The following OXR1 variants were observed in gnomAD, a reference collection of about 807,000 sequenced individuals.
OXR1 encodes oxidation resistance protein 1.
OXR1 carries 41 observed loss-of-function variants against 104.6 expected under a neutral mutation model. The ratio of observed to expected loss-of-function variants is 0.39; its 90% confidence interval spans 0.31 to 0.51. The LOEUF (loss-of-function observed/expected upper bound fraction) is 0.51, where lower values mean the gene tolerates loss of function less well. OXR1 is among the 20% of genes least tolerant of loss of function. The pLI, the probability that OXR1 is intolerant of heterozygous loss-of-function variation, is 0.77. For synonymous variants in OXR1, 348 were observed against 348.4 expected (o/e 1.00, Z 0.01); for missense variants, 955 against 1,031.9 (o/e 0.93, Z 1.02).
At chr8:106,607,856 CT>C (rs1199743515) in intron 3 of OXR1, among the ~76,000 whole-genome samples, 1 of 150,584 alleles carries the variant, frequency 6.6e-6, no homozygotes, top group Non-Finnish European at 1.5e-5. Flanking sequence ...ACATAGAGAA[CT>C]TTATGTAATT....
chr8:106,737,171 C>T (rs73294482), intron 11 of OXR1, among the ~76,000 whole-genome samples: 1,616 of 152,094 alleles, frequency 0.011, 32 homozygotes, highest in African/African-American at 0.036. Context: ...ACTGCAAGAC[C>T]GTTTAGTTTT....
chr8:106,627,669 A>C (rs1376447211), intron 3 of OXR1, among the ~76,000 whole-genome samples: 1 of 152,138 alleles, frequency 6.6e-6, no homozygotes, highest in Non-Finnish European at 1.5e-5. Context: ...TTATACTGAC[A>C]TTTAGTTCTT....
chr8:106,750,094 GC>G (rs1255789545), intron 16 of OXR1, among the ~76,000 whole-genome samples: 2 of 150,850 alleles, frequency 1.3e-5, no homozygotes, highest in Non-Finnish European at 2.9e-5. Context: ...GAATTTTTGT[GC>G]CTTTGCGAAA....
chr8:106,723,468 A>G (rs1833018204), intron 11 of OXR1, among the ~76,000 whole-genome samples: 1 of 150,148 alleles, frequency 6.7e-6, no homozygotes, highest in African/African-American at 2.5e-5. Context: ...ACTGCACTCC[A>G]GCCTGGGCGA....
intron 3 of OXR1, among the ~76,000 whole-genome samples, chr8:106,621,597 G>A (rs978294709): frequency 1.3e-5 from 2 of 151,184 alleles, no homozygotes; most frequent in African/African-American, 4.9e-5. Flanking sequence ...CTGTTGAATA[G>A]AAATTCCATT....
At chr8:106,527,820 A>G (rs924889654) in intron 3 of OXR1, among the ~76,000 whole-genome samples, 2 of 152,228 alleles carry the variant, frequency 1.3e-5, no homozygotes, top group Non-Finnish European at 2.9e-5. Context: ...TCATGGTCCT[A>G]CTGTAAATAG....
intron 1 of OXR1, among the ~76,000 whole-genome samples, chr8:106,279,380 G>A (rs888349243): frequency 6.6e-6 from 1 of 152,094 alleles, no homozygotes; most frequent in African/African-American, 2.4e-5. Flanking sequence ...ATTATATACT[G>A]TATTAAGAGT....
chr8:106,592,492 T>C (rs1239402681), intron 3 of OXR1, among the ~76,000 whole-genome samples: 2 of 152,090 alleles, frequency 1.3e-5, no homozygotes, highest in African/African-American at 4.8e-5. Flanking sequence ...TCCTAAGTGA[T>C]GGAACCAAGA....
chr8:106,617,922 G>C lies in OXR1; in HGVS notation c.221-61288G>C, dbSNP rs1188120858. On this transcript the variant is annotated intron_variant, in intron 3 of 16. Coordinates refer to ENST00000517566, the MANE Select transcript of OXR1 (RefSeq NM_001198533.2). Reference sequence around the variant, plus strand: ...GTCGTCACCGTTTCTAAAATGTTCAGTGAGCCAAGAGCAAGTCCACAGTCA... The same window carrying C: ...GTCGTCACCGTTTCTAAAATGTTCACTGAGCCAAGAGCAAGTCCACAGTCA... The C allele has an allele frequency of 1.2e-5, 8 of 679,454 alleles. No homozygotes were observed. In the East Asian group the frequency reaches 8.1e-4, roughly 69 times the overall value. The allele number at this position is 679,454 out of a possible 1,614,324, so 42.1% of individuals were successfully genotyped here.
chr8:106,399,959 C>T (rs998047168), intron 2 of OXR1, among the ~76,000 whole-genome samples: 1 of 152,124 alleles, frequency 6.6e-6, no homozygotes, highest in African/African-American at 2.4e-5. Context: ...TTAAAGAAAA[C>T]TTATCATCAG....
At chr8:106,666,978 T>C (rs1563683986) in intron 3 of OXR1, among the ~76,000 whole-genome samples, 1 of 152,190 alleles carries the variant, frequency 6.6e-6, no homozygotes, top group Non-Finnish European at 1.5e-5. Context: ...AGTAAAACTT[T>C]AAATTCAGTT....
rs183078005 is a variant in OXR1, at chr8:106,703,253, C to G, written c.860+163C>G. Among the ~76,000 whole-genome samples the G allele has an allele frequency of 3.3e-4, 50 of 152,226 alleles. 1 individual carries two copies. The East Asian group carries it at 5.6e-3, about 17-fold the overall frequency. ...TATTGAGAAGATTATTCTTAATTTG[C>G]ACCTGGGATAGTTATGAATTATCTT... On this transcript the variant is annotated intron_variant, in intron 8 of 16. Transcript: ENST00000517566.
chr8:106,371,279 AT>A (rs1816696274), intron 2 of OXR1, among the ~76,000 whole-genome samples: 1 of 146,730 alleles, frequency 6.8e-6, no homozygotes, highest in South Asian at 2.1e-4. Context: ...TGTCTATTTG[AT>A]TCTTCTCCCT....
intron 3 of OXR1, among the ~76,000 whole-genome samples, chr8:106,627,187 TC>T (rs1420299343): frequency 6.6e-6 from 1 of 152,156 alleles, no homozygotes; most frequent in Non-Finnish European, 1.5e-5. Flanking sequence ...TCTCACAGAT[TC>T]CTCATGGTAT....
chr8:106,529,505 G>A (rs1340548939), intron 3 of OXR1, among the ~76,000 whole-genome samples: 1 of 152,034 alleles, frequency 6.6e-6, no homozygotes, highest in East Asian at 1.9e-4. Context: ...GGTATTCTCA[G>A]AATGAGAAAA....
chr8:106,569,053 CTT>C lies in OXR1; in HGVS notation c.220+49915_220+49916del, dbSNP rs373752417. 4.9e-3 allele frequency among the ~76,000 whole-genome samples: 739 copies of C among 152,196 alleles called. 6 individuals are homozygous for C. Among genetic ancestry groups the C allele is most frequent in the African/African-American group, 0.016 (660 of 41,540 alleles). On this transcript the variant is annotated intron_variant, in intron 3 of 16. Coordinates refer to ENST00000517566, the MANE Select transcript of OXR1 (RefSeq NM_001198533.2). ...GGTACGTACTGGATACCCTTTTAAACTTAGTATATTCCATATATCTTTTTGTG... is the reference window on the plus strand; with the variant it reads ...GGTACGTACTGGATACCCTTTTAAACAGTATATTCCATATATCTTTTTGTG...
chr8:106,658,422 C>T (rs1411460178), intron 3 of OXR1, among the ~76,000 whole-genome samples: 1 of 152,206 alleles, frequency 6.6e-6, no homozygotes, highest in Non-Finnish European at 1.5e-5. Context: ...GCTCTTCCTG[C>T]TTTCCTCACC....
At chr8:106,646,098 C>T (rs1412823786) in intron 3 of OXR1, among the ~76,000 whole-genome samples, 1 of 151,842 alleles carries the variant, frequency 6.6e-6, no homozygotes, top group South Asian at 2.1e-4. Flanking sequence ...TCTTTTTTCT[C>T]TATTATCTTT....
chr8:106,502,395 A>G (rs1811872405), intron 2 of OXR1, among the ~76,000 whole-genome samples: 1 of 152,234 alleles, frequency 6.6e-6, no homozygotes, highest in Admixed American at 6.5e-5. Context: ...AAAGGAGCAG[A>G]CTTGAATAAA....
Sources: allele counts gnomAD v4.1 joint callset (sites outside exome capture counted in the v4.1 genomes callset), GRCh38; gene constraint gnomAD v4.1.1; transcripts MANE v1.5; gene names NCBI Gene and HGNC (gene_info 2026-07-23, HGNC 2026-07-21).